The following RGS6 variants were observed in gnomAD, a reference collection of about 807,000 sequenced individuals.
The protein encoded by RGS6 is regulator of G protein signaling 6.
A neutral mutation model predicts 78.5 loss-of-function variants in RGS6; 30 were observed. The observed-to-expected ratio is 0.38, with a 90% CI of 0.29 to 0.52. RGS6 has a LOEUF of 0.52. Ranked by LOEUF, RGS6 falls within the 20% of genes least tolerant of loss-of-function variation. The pLI, the probability that RGS6 is intolerant of heterozygous loss-of-function variation, is 0.85. For missense variants in RGS6, 495 were observed against 609.7 expected (o/e 0.81, Z 1.98); for synonymous variants, 206 against 206.0 (o/e 1.00, Z 0.00).
chr14:72,557,930 G>C (rs1030060660), intron 17 of RGS6, among the ~76,000 whole-genome samples: 5 of 152,206 alleles, frequency 3.3e-5, no homozygotes, highest in Admixed American at 6.5e-5. Context: ...AACTGAAGAA[G>C]GGTAAGGAGT....
At chr14:72,371,431 T>C (rs2083483687) in intron 3 of RGS6, among the ~76,000 whole-genome samples, 1 of 152,190 alleles carries the variant, frequency 6.6e-6, no homozygotes, top group African/African-American at 2.4e-5. Flanking sequence ...TACAAACCCC[T>C]AATTGTACTC....
the RGS6 span, among the ~76,000 whole-genome samples, chr14:71,878,011 C>A: frequency 6.6e-6 from 1 of 152,170 alleles, no homozygotes; most frequent in Non-Finnish European, 1.5e-5. Flanking sequence ...TATTGCAGAA[C>A]AGCAAATGTT....
chr14:72,599,813 A>G, the RGS6 span, among the ~76,000 whole-genome samples: 3 of 151,948 alleles, frequency 2.0e-5, no homozygotes, highest in East Asian at 5.8e-4. Flanking sequence ...ATAAGATTTT[A>G]GTGGTAAGCC....
At chr14:72,493,375 A>G (rs55961676) in intron 12 of RGS6, among the ~76,000 whole-genome samples, 4,044 of 152,320 alleles carry the variant, frequency 0.027, 76 homozygotes, top group Non-Finnish European at 0.045. Context: ...GTGAACTCTG[A>G]AACTTAGAAA....
chr14:71,936,030 A>ATATATATATG (rs1555390443), intron 1 of RGS6, among the ~76,000 whole-genome samples: 1 of 133,222 alleles, frequency 7.5e-6, no homozygotes, highest in Non-Finnish European at 1.6e-5. Context: ...ATATATATAT[A>ATATATATATG]TATATATATA....
intron 2 of RGS6, among the ~76,000 whole-genome samples, chr14:72,099,501 C>T (rs1412382761): frequency 6.6e-6 from 1 of 152,076 alleles, no homozygotes; most frequent in Non-Finnish European, 1.5e-5. Context: ...AGGAAGTAGA[C>T]TAGCTAATGT....
chr14:71,918,602 T>C, the RGS6 span, among the ~76,000 whole-genome samples: 1 of 152,194 alleles, frequency 6.6e-6, no homozygotes, highest in Non-Finnish European at 1.5e-5. Context: ...CAAAATAACT[T>C]TGTGTTTCCA....
intron 2 of RGS6, among the ~76,000 whole-genome samples, chr14:72,309,044 C>T (rs1251830010): frequency 6.6e-6 from 1 of 152,098 alleles, no homozygotes; most frequent in Non-Finnish European, 1.5e-5. Flanking sequence ...TGTGGAATGT[C>T]CTCTTGATTT....
At chr14:72,599,575 A>C in the RGS6 span, among the ~76,000 whole-genome samples, 8 of 103,260 alleles carry the variant, frequency 7.7e-5, no homozygotes, top group African/African-American at 2.9e-4. Context: ...CGCCTGGCTA[A>C]TTTTTTTTTT....
At chr14:72,621,833 G>T in the RGS6 span, among the ~76,000 whole-genome samples, 4 of 152,322 alleles carry the variant, frequency 2.6e-5, no homozygotes, top group African/African-American at 7.2e-5. Context: ...ATGCCGTCTG[G>T]GTTGTGGCTT....
chr14:72,061,132 T>G (rs1410058356), intron 2 of RGS6, among the ~76,000 whole-genome samples: 1 of 152,216 alleles, frequency 6.6e-6, no homozygotes, highest in African/African-American at 2.4e-5. Context: ...TGTTGCAAGC[T>G]TTAAGAGCCA....
intron 2 of RGS6, among the ~76,000 whole-genome samples, chr14:72,190,102 G>A (rs144289971): frequency 1.4e-3 from 208 of 152,080 alleles, no homozygotes; most frequent in African/African-American, 4.9e-3. Context: ...TTTTCTTCTG[G>A]AGGTGCACTG....
intron 2 of RGS6, among the ~76,000 whole-genome samples, chr14:72,248,786 AC>A (rs2054877357): frequency 1.3e-5 from 2 of 152,282 alleles, no homozygotes; most frequent in South Asian, 2.1e-4. Flanking sequence ...ACCCAGACCT[AC>A]TGAATCAGAT....
intron 2 of RGS6, among the ~76,000 whole-genome samples, chr14:72,157,364 A>C (rs149681): frequency 0.39 from 59,181 of 151,938 alleles, 12,296 homozygotes; most frequent in African/African-American, 0.54. Flanking sequence ...AGTTCAGAAC[A>C]TTTGGGTTCC....
intron 3 of RGS6, among the ~76,000 whole-genome samples, chr14:72,440,417 T>C (rs2095143711): frequency 6.7e-6 from 1 of 148,760 alleles, no homozygotes; most frequent in African/African-American, 2.5e-5. Flanking sequence ...TACACTTCTT[T>C]TTTTTTTTTT....
intron 2 of RGS6, among the ~76,000 whole-genome samples, chr14:72,226,617 T>C (rs750066138): frequency 1.1e-4 from 16 of 152,186 alleles, no homozygotes; most frequent in Admixed American, 2.6e-4. Context: ...GTCAGATAAA[T>C]AGAACCATGA....
chr14:72,208,261 G>C (rs2153749892), intron 2 of RGS6, among the ~76,000 whole-genome samples: 1 of 152,330 alleles, frequency 6.6e-6, no homozygotes, highest in East Asian at 1.9e-4. Context: ...AGACATTGCA[G>C]ATGGAAGCCC....
At chr14:72,533,660 T>C (rs1197595900) in intron 15 of RGS6, among the ~76,000 whole-genome samples, 1 of 152,078 alleles carries the variant, frequency 6.6e-6, no homozygotes, top group Non-Finnish European at 1.5e-5. Context: ...TTAATGGGAG[T>C]TTGGAAGAAG....
In RGS6 at chr14:72,540,104, G is replaced by A. The variant is rs766394837; in HGVS notation, c.1422+10G>A. The A allele has an allele frequency of 3.8e-6, 6 of 1,584,440 alleles. No homozygotes were observed. The Admixed American group carries it at 7.0e-5, about 18-fold the overall frequency. ...GTTCACTCGCAGTGTGGTAAGTTCA[G>A]TCGGTTTTCTTCCCTCAGCTTTTCT... On this transcript the variant is annotated intron_variant, in intron 17 of 17. Transcript: ENST00000553525.
Sources: gnomAD v4.1 joint callset for allele counts (sites outside exome capture counted in the v4.1 genomes callset) on GRCh38, gnomAD v4.1.1 for gene constraint, MANE v1.5 for transcripts, NCBI Gene and HGNC (gene_info 2026-07-23, HGNC 2026-07-21) for gene names.